The following RASL12 variants were observed in gnomAD, a reference collection of about 807,000 sequenced individuals.
RASL12 encodes ras-like protein family member 12.
Under a neutral mutation model 22.9 loss-of-function variants are expected in RASL12, and 16 were observed. The ratio of observed to expected loss-of-function variants is 0.70; its 90% confidence interval spans 0.47 to 1.06. The LOEUF is 1.06. Ranked by LOEUF, RASL12 falls within the 50% of genes least tolerant of loss-of-function variation. RASL12 has a pLI of 0.00. For missense variants in RASL12, 306 were observed against 353.1 expected (o/e 0.87, Z 1.07); for synonymous variants, 159 against 152.2 (o/e 1.04, Z -0.33).
At chr15:65,075,021 G>A (rs941146836) in intron 1 of RASL12, among the ~76,000 whole-genome samples, 12 of 152,204 alleles carry the variant, frequency 7.9e-5, no homozygotes, top group Non-Finnish European at 1.6e-4. Context: ...GGGAGGTGTG[G>A]AGGGAGAGGC....
chr15:65,049,917 C>G, downstream of RASL12: 1 of 982,150 alleles, frequency 1.0e-6, no homozygotes, highest in Non-Finnish European at 1.5e-6. Flanking sequence ...GGCTTCTCTG[C>G]CCAGGGGCCA....
At chr15:65,050,198 C>T, downstream of RASL12, 1 of 936,442 alleles carries the variant, frequency 1.1e-6, no homozygotes, top group Middle Eastern at 2.2e-4. Context: ...CCCTCCAGGT[C>T]AGGCGGTACA....
chr15:65,050,836 C>CTTTTT (rs57404080), downstream of RASL12, among the ~76,000 whole-genome samples: 37 of 95,628 alleles, frequency 3.9e-4, no homozygotes, highest in Non-Finnish European at 4.5e-4. Flanking sequence ...TCTTCTTCTT[C>CTTTTT]TTTTTTTTTT....
chr15:65,066,116 AAG>A (rs577884440), intron 1 of RASL12, among the ~76,000 whole-genome samples: 5 of 151,544 alleles, frequency 3.3e-5, no homozygotes, highest in African/African-American at 9.7e-5. Context: ...AGAAAGAAGA[AAG>A]AGAGAGAAAG....
At chr15:65,062,825 C>T (rs185094589) in intron 2 of RASL12, among the ~76,000 whole-genome samples, 1 of 152,330 alleles carries the variant, frequency 6.6e-6, no homozygotes, top group Non-Finnish European at 1.5e-5. Context: ...GTCTCTGCTG[C>T]TGCTGGAACC....
At chr15:65,066,238 G>A (rs927011003) in intron 1 of RASL12, among the ~76,000 whole-genome samples, 2 of 151,782 alleles carry the variant, frequency 1.3e-5, no homozygotes, top group African/African-American at 4.8e-5. Flanking sequence ...AAGACAGAAA[G>A]ATAGAAAGAA....
At chr15:65,050,300 T>A (rs1458317243), downstream of RASL12, among the ~76,000 whole-genome samples, 1 of 152,182 alleles carries the variant, frequency 6.6e-6, no homozygotes, top group East Asian at 1.9e-4. Flanking sequence ...TGTGGTCGCT[T>A]ATTTATGCAG....
chr15:65,060,633 G>GT (rs2086791340), intron 2 of RASL12, among the ~76,000 whole-genome samples: 1 of 152,236 alleles, frequency 6.6e-6, no homozygotes, highest in South Asian at 2.1e-4. Flanking sequence ...TGGCCCACAT[G>GT]TGTGAGTGCA....
Position 65,054,340 on chromosome 15 carries a change from G to T in RASL12, c.*559C>A. 1.0e-6 allele frequency: 1 copy of T among 985,816 alleles called. No individual in the cohort carries two copies. Among genetic ancestry groups the T allele is most frequent in the Non-Finnish European group, 1.2e-6 (1 of 830,228 alleles). 61.1% of individuals were successfully genotyped at this position (985,816 alleles called of 1,614,324 possible). A position where few individuals can be genotyped will look rare whatever the true frequency, so the allele number is the denominator to read the frequency against. ...TCTGTCCATTGGATTATTTTAACTA[G>T]ATTTTCCTTGGATAAACTGTGGGGT... On this transcript the variant is annotated 3_prime_UTR_variant, in exon 5 of 5. Coordinates refer to ENST00000220062, the MANE Select transcript of RASL12 (RefSeq NM_016563.4).
intron 1 of RASL12, among the ~76,000 whole-genome samples, chr15:65,066,436 G>A (rs577460447): frequency 6.6e-6 from 1 of 151,994 alleles, no homozygotes; most frequent in South Asian, 2.1e-4. Flanking sequence ...GATCACTTGA[G>A]CTCAGGAGTT....
intron 1 of RASL12, among the ~76,000 whole-genome samples, chr15:65,073,599 C>G (rs1231521520): frequency 6.6e-6 from 1 of 152,240 alleles, no homozygotes; most frequent in East Asian, 1.9e-4. Context: ...GCTGCGCGGC[C>G]TGGTTCCTAA....
intron 4 of RASL12, among the ~76,000 whole-genome samples, chr15:65,057,992 T>C (rs2946678): frequency 0.88 from 134,365 of 152,250 alleles, 59,364 homozygotes; most frequent in East Asian, 0.99. Context: ...ATCCCTGTGG[T>C]CGGGCACGGT....
At chr15:65,062,754 G>A (rs922031028) in intron 2 of RASL12, among the ~76,000 whole-genome samples, 2 of 152,222 alleles carry the variant, frequency 1.3e-5, no homozygotes, top group African/African-American at 4.8e-5. Flanking sequence ...CAGCATTGCT[G>A]ATGGCTAGCT....
intron 2 of RASL12, among the ~76,000 whole-genome samples, chr15:65,060,211 C>A (rs1047233844): frequency 6.6e-6 from 1 of 152,222 alleles, no homozygotes; most frequent in Non-Finnish European, 1.5e-5. Context: ...GCCCCCCAGG[C>A]ATGGGGCCTG....
At chr15:65,053,144 G>C, downstream of RASL12, 3 of 1,614,054 alleles carry the variant, frequency 1.9e-6, no homozygotes, top group African/African-American at 4.0e-5. Flanking sequence ...CCTTCCGGAT[G>C]TACCAGAAAC....
At chr15:65,067,073 A>C (rs2086886385) in intron 1 of RASL12, among the ~76,000 whole-genome samples, 1 of 152,046 alleles carries the variant, frequency 6.6e-6, no homozygotes, top group Non-Finnish European at 1.5e-5. Flanking sequence ...AAACGAACAC[A>C]TTTGATAAGA....
downstream of RASL12, among the ~76,000 whole-genome samples, chr15:65,048,860 T>G (rs2086609372): frequency 6.6e-6 from 1 of 151,802 alleles, no homozygotes; most frequent in Non-Finnish European, 1.5e-5. Flanking sequence ...AATACAAAAA[T>G]TAGTGGGGCG....
intron 1 of RASL12, among the ~76,000 whole-genome samples, chr15:65,065,990 G>A (rs117500490): frequency 3.2e-3 from 483 of 151,338 alleles, no homozygotes; most frequent in Middle Eastern, 6.8e-3. Context: ...AGTAATGTTC[G>A]CTACTGCTTG....
intron 1 of RASL12, among the ~76,000 whole-genome samples, chr15:65,067,134 T>A (rs1188177052): frequency 6.8e-6 from 1 of 146,612 alleles, no homozygotes; most frequent in African/African-American, 2.5e-5. Context: ...AGTGGGGGAG[T>A]GGACCTTCCC....
Sources: gnomAD v4.1 joint callset for allele counts (sites outside exome capture counted in the v4.1 genomes callset) on GRCh38, gnomAD v4.1.1 for gene constraint, MANE v1.5 for transcripts, NCBI Gene and HGNC (gene_info 2026-07-23, HGNC 2026-07-21) for gene names.